Variants in PCDH7 observed in about 807,000 individuals in gnomAD.
The protein encoded by PCDH7 is protocadherin 7, also known as protocadherin-7.
PCDH7 carries 17 observed loss-of-function variants against 58.9 expected under a neutral mutation model. The observed-to-expected ratio is 0.29, with a 90% CI of 0.20 to 0.43. The LOEUF is 0.43. Ranked by LOEUF, PCDH7 falls within the 20% of genes least tolerant of loss-of-function variation. The pLI is 1.00. For missense variants in PCDH7, 1,274 were observed against 1,441.0 expected, an observed-to-expected ratio of 0.88 and a Z score of 1.88; for synonymous variants, 664 against 616.4, an observed-to-expected ratio of 1.08 and a Z score of -1.14.
At chr4:30,840,861 T>A (rs965768199) in intron 1 of PCDH7, among the ~76,000 whole-genome samples, 9 of 151,754 alleles carry the variant, frequency 5.9e-5, no homozygotes, top group African/African-American at 2.2e-4. Flanking sequence ...TAAAAGGACG[T>A]ACAGTTGCTC....
intron 3 of PCDH7, among the ~76,000 whole-genome samples, chr4:31,048,019 C>T (rs926157996): frequency 1.3e-5 from 2 of 151,868 alleles, no homozygotes; most frequent in African/African-American, 4.8e-5. Flanking sequence ...AGTTATACTC[C>T]TCAAAACTTT....
intron 3 of PCDH7, among the ~76,000 whole-genome samples, chr4:31,140,024 T>C (rs1048091278): frequency 6.6e-6 from 1 of 152,134 alleles, no homozygotes; most frequent in Non-Finnish European, 1.5e-5. Context: ...TGGCAGAAAA[T>C]ACTCCAGACT....
chr4:30,956,856 C>T (rs918241146), intron 3 of PCDH7, among the ~76,000 whole-genome samples: 2 of 152,046 alleles, frequency 1.3e-5, no homozygotes, highest in Non-Finnish European at 2.9e-5. Context: ...CACTACTTGT[C>T]TTGAATCAGC....
downstream of PCDH7, among the ~76,000 whole-genome samples, chr4:30,736,305 T>G (rs546284899): frequency 2.6e-5 from 4 of 152,300 alleles, no homozygotes; most frequent in Admixed American, 2.0e-4. Flanking sequence ...TTGGATGGAC[T>G]AAATATTTCA....
At chr4:30,864,724 C>A (rs1032679322) in intron 1 of PCDH7, among the ~76,000 whole-genome samples, 1 of 152,018 alleles carries the variant, frequency 6.6e-6, no homozygotes, top group Non-Finnish European at 1.5e-5. Context: ...TTAGATATTT[C>A]TGGTTACTAA....
At chr4:30,844,965 A>C (rs1000591199) in intron 1 of PCDH7, among the ~76,000 whole-genome samples, 7 of 152,178 alleles carry the variant, frequency 4.6e-5, no homozygotes, top group Non-Finnish European at 1.0e-4. Flanking sequence ...TTGAATAAGA[A>C]GGGAGTTTTG....
intron 3 of PCDH7, among the ~76,000 whole-genome samples, chr4:31,003,976 T>G (rs1267546371): frequency 1.3e-5 from 2 of 152,184 alleles, no homozygotes; most frequent in African/African-American, 4.8e-5. Context: ...ATCAGCATTT[T>G]AGGTTGTCTA....
chr4:30,772,201 G>T (rs887755762), intron 1 of PCDH7, among the ~76,000 whole-genome samples: 5 of 152,192 alleles, frequency 3.3e-5, no homozygotes, highest in African/African-American at 1.2e-4. Flanking sequence ...ACTTCCATAG[G>T]TTCTGATTTT....
At position 30,747,821 on chromosome 4, in the gene PCDH7, T is replaced by C. The variant is rs191203592; in HGVS notation, c.70+23225T>C. 5.6e-4 allele frequency among the ~76,000 whole-genome samples: 86 copies of C among 152,348 alleles called. 1 individual carries two copies. In the East Asian group the frequency reaches 7.9e-3, roughly 14 times the overall value. On this transcript the variant is annotated intron_variant, in intron 1 of 3. Coordinates refer to the PCDH7 transcript ENST00000509759. ...ATTGTTTTGCATACTACAGGTCTGA[T>C]TGGCAGACATTCCCAAAATTTGATA... is the stretch of plus-strand genomic sequence containing the variant.
At chr4:30,758,645 A>G (rs1305660098) in intron 1 of PCDH7, among the ~76,000 whole-genome samples, 2 of 152,180 alleles carry the variant, frequency 1.3e-5, no homozygotes, top group African/African-American at 2.4e-5. Flanking sequence ...TAAAGGGCAG[A>G]TAGGACAAAT....
chr4:30,999,382 A>C (rs1752162326), intron 3 of PCDH7, among the ~76,000 whole-genome samples: 1 of 152,160 alleles, frequency 6.6e-6, no homozygotes, highest in South Asian at 2.1e-4. Context: ...TTTGTTGATT[A>C]CACAAAATTT....
chr4:30,954,641 TC>T (rs1747671994), intron 3 of PCDH7, among the ~76,000 whole-genome samples: 1 of 152,178 alleles, frequency 6.6e-6, no homozygotes, highest in African/African-American at 2.4e-5. Context: ...TTTTACTCTG[TC>T]TTTTAGTGTC....
chr4:30,930,905 C>T (rs1463028832), intron 2 of PCDH7, among the ~76,000 whole-genome samples: 2 of 152,126 alleles, frequency 1.3e-5, no homozygotes, highest in African/African-American at 4.8e-5. Context: ...TGCCAGTGCA[C>T]TCCAGCCTGA....
In PCDH7 at chr4:30,721,317, G is replaced by A. The variant is rs1031340875; in HGVS notation, c.-106G>A. ...CCCTCCCTCTCGCTCCTTCCTTTCC[G>A]GGAGAGGGGAGAGGACTCGGGGGAG... On this transcript the variant is annotated 5_prime_UTR_variant, in exon 1 of 2. Transcript: ENST00000361762. The surrounding 1 kb of genome is among the most constrained non-coding windows in gnomAD (Gnocchi z 6.7). The A allele has an allele frequency of 9.7e-6, 11 of 1,137,808 alleles. No individual in the cohort carries two copies. Among genetic ancestry groups the A allele is most frequent in the Admixed American group, 3.1e-5 (1 of 32,314 alleles). 70.5% of individuals were successfully genotyped at this position (1,137,808 alleles called of 1,614,324 possible).
chr4:31,115,310 A>C, intron 3 of PCDH7, among the ~76,000 whole-genome samples: 1 of 152,124 alleles, frequency 6.6e-6, no homozygotes, highest in Admixed American at 6.6e-5. Flanking sequence ...AACTGGTATT[A>C]TCAATCCTCT....
At chr4:31,068,380 C>A (rs1758263545) in intron 3 of PCDH7, among the ~76,000 whole-genome samples, 2 of 151,654 alleles carry the variant, frequency 1.3e-5, no homozygotes, top group Admixed American at 6.6e-5. Flanking sequence ...CACATTGTTG[C>A]TGTACAAAAA....
At chr4:31,042,680 T>C (rs1270031523) in intron 3 of PCDH7, among the ~76,000 whole-genome samples, 2 of 152,190 alleles carry the variant, frequency 1.3e-5, no homozygotes, top group East Asian at 3.9e-4. Context: ...ATGTGATGTA[T>C]AGTAAAGTGT....
chr4:31,097,223 G>A (rs181136804), intron 3 of PCDH7, among the ~76,000 whole-genome samples: 59 of 152,068 alleles, frequency 3.9e-4, no homozygotes, highest in African/African-American at 1.4e-3. Context: ...TTGGGAGGCC[G>A]AGGTGGGTGA....
intron 1 of PCDH7, among the ~76,000 whole-genome samples, chr4:30,816,545 G>T (rs1577916437): frequency 6.8e-6 from 1 of 147,566 alleles, no homozygotes; most frequent in Non-Finnish European, 1.5e-5. Flanking sequence ...ATTTTGGAAT[G>T]AGTTTTTTTT....
Sources: allele counts gnomAD v4.1 joint callset (sites outside exome capture counted in the v4.1 genomes callset), GRCh38; gene constraint gnomAD v4.1.1; non-coding constraint Gnocchi (gnomAD v3.1); transcripts MANE v1.5; gene names NCBI Gene and HGNC (gene_info 2026-07-23, HGNC 2026-07-21).